The following PRRC2C variants were observed in gnomAD, a reference collection of about 807,000 sequenced individuals.
PRRC2C encodes protein PRRC2C.
Under a neutral mutation model 317.2 loss-of-function variants are expected in PRRC2C, and 72 were observed. The ratio of observed to expected loss-of-function variants is 0.23; its 90% CI spans 0.19 to 0.28. The LOEUF is 0.28. Among genes scored for constraint, PRRC2C ranks in the 10% least tolerant of loss-of-function variants. PRRC2C has a pLI of 1.00. For synonymous variants in PRRC2C, 1,296 were observed against 1,205.9 expected, an observed-to-expected ratio of 1.07 and a Z score of -1.55; for missense variants, 3,074 against 3,459.7, an observed-to-expected ratio of 0.89 and a Z score of 2.80.
At chr1:171,578,718 A>G (rs1485008974) in intron 26 of PRRC2C, among the ~76,000 whole-genome samples, 1 of 152,074 alleles carries the variant, frequency 6.6e-6, no homozygotes, top group Admixed American at 6.6e-5. Context: ...AAATACAAAA[A>G]TTGGTTGGGC....
chr1:171,562,268 C>G (rs75825662), intron 20 of PRRC2C, among the ~76,000 whole-genome samples: 19,371 of 152,030 alleles, frequency 0.13, 1,613 homozygotes, highest in South Asian at 0.36. Context: ...TCAGGGAAGT[C>G]CATGTAGCTG....
intron 1 of PRRC2C, chr1:171,509,900 G>GTA (rs929076982): frequency 1.6e-5 from 2 of 123,372 alleles, no homozygotes; most frequent in Non-Finnish European, 3.1e-5. Context: ...CACCCAGGCT[G>GTA]TAGTACAGTG....
chr1:171,581,517 T>G (rs1288870562), intron 28 of PRRC2C, among the ~76,000 whole-genome samples: 1 of 152,182 alleles, frequency 6.6e-6, no homozygotes. Flanking sequence ...TCAATAGAAA[T>G]AAAATGTAAG....
intron 20 of PRRC2C, among the ~76,000 whole-genome samples, 164 bp from the exon 21 acceptor site, chr1:171,566,069 A>G (rs1186319941): frequency 1.3e-5 from 2 of 152,222 alleles, no homozygotes; most frequent in African/African-American, 4.8e-5. Flanking sequence ...GTACAGACAA[A>G]CAACAGTTAA....
At chr1:171,526,284 T>C (rs1674545660) in intron 10 of PRRC2C, among the ~76,000 whole-genome samples, 1 of 152,228 alleles carries the variant, frequency 6.6e-6, no homozygotes, top group Admixed American at 6.5e-5. Context: ...ATTAGAGGTA[T>C]AGATCTCCTC....
intron 22 of PRRC2C, 66 bp downstream of exon 22, chr1:171,566,909 C>T (rs1683763947): frequency 2.0e-6 from 3 of 1,495,760 alleles, no homozygotes; most frequent in Admixed American, 4.7e-5. Context: ...ACGAGAAGAA[C>T]AGCAACAGTC....
chr1:171,591,398 TGAAA>T, intron 34 of PRRC2C, 185 bp from the exon 35 acceptor site: 1 of 399,046 alleles, frequency 2.5e-6, no homozygotes, highest in Non-Finnish European at 3.9e-6. Flanking sequence ...TTAAATCACA[TGAAA>T]TATTTCAAAA....
chr1:171,532,892 A>T lies in PRRC2C; in HGVS notation c.1804A>T (p.Ile602Phe), dbSNP rs1377688913. 6.3e-7 allele frequency: 1 copy of T among 1,580,084 alleles called. No individual in the cohort carries two copies. Among genetic ancestry groups the T allele is most frequent in the African/African-American group, 1.4e-5 (1 of 72,478 alleles). The change falls in exon 12 of 35, where the codon ATT becomes TTT. Residue 602 changes from isoleucine to phenylalanine, a missense_variant. Physicochemically the swap from Ile to Phe is conservative, Grantham distance 21 (BLOSUM62 0). Coordinates refer to ENST00000647382, the MANE Select transcript of PRRC2C (RefSeq NM_001387844.1). ...EKEREKLEEK[I>F]EPREPNLEPM... is the part of the protein sequence containing the mutation. ...GGAAAGGGAAAAATTAGAGGAGAAA[A>T]TTGAACCCAGAGAACCTAATTTAGA... is the stretch of plus-strand genomic sequence containing the variant.
At chr1:171,531,238 G>A (rs966505001) in intron 11 of PRRC2C, among the ~76,000 whole-genome samples, 29 of 152,200 alleles carry the variant, frequency 1.9e-4, no homozygotes, top group Admixed American at 1.5e-3. Flanking sequence ...TTGTGTCTGC[G>A]TTGGAGCAGT....
chr1:171,585,863 G>GT (rs934600137), intron 30 of PRRC2C, among the ~76,000 whole-genome samples: 15 of 151,058 alleles, frequency 9.9e-5, no homozygotes, highest in South Asian at 4.2e-4. Context: ...TTTCAGATTG[G>GT]TTTTTTTTTG....
chr1:171,530,992 C>T (rs1230605908), intron 11 of PRRC2C, among the ~76,000 whole-genome samples: 3 of 152,166 alleles, frequency 2.0e-5, no homozygotes, highest in East Asian at 1.9e-4. Context: ...AAGCAACCCA[C>T]GTGTCTATCA....
rs766448616 is a variant in PRRC2C, at chr1:171,559,504, AGTTT to A, written c.6031+1366_6031+1369del. Among the ~76,000 whole-genome samples, 82 of 21,590 alleles carry A rather than the reference AGTTT, an allele frequency of 3.8e-3. 21 individuals are homozygous for A. Among genetic ancestry groups the A allele is most frequent in the African/African-American group, 9.9e-3 (64 of 6,458 alleles). The allele number at this position is 21,590 out of a possible 152,430, so 14.2% of individuals were successfully genotyped here. On this transcript the variant is annotated intron_variant, in intron 19 of 34. Transcript: ENST00000647382. The stretch of plus-strand genomic sequence containing the variant: ...CATCTGTTTACAAAATGGCATACCA[AGTTT>A]GTTTTTTTTTTTTTTTTTTTTTTTT...
Position 171,558,057 on chromosome 1 carries a change from C to T in PRRC2C, c.5945C>T (p.Thr1982Ile), listed in dbSNP as rs1283682120. The change falls in exon 19 of 35, where the codon ACC becomes ATC. Residue 1982 changes from threonine (T) to isoleucine (I), a missense_variant. Around this residue, in one of 11 missense-constraint regions of PRRC2C, gnomAD observed 640 missense variants for 676.1 expected, o/e 0.95. Coordinates refer to ENST00000647382, the MANE Select transcript of PRRC2C (RefSeq NM_001387844.1). ...GTAGCCTCAGGAAAATCCATCCAGA[C>T]CCCACAGTCACATGGCACTCTGACA... ...DYVASGKSIQ[T>I]PQSHGTLTAE... 6.2e-7 allele frequency: 1 copy of T among 1,613,906 alleles called. No individual in the cohort carries two copies. The highest frequency in any genetic ancestry group is 8.5e-7 in the Non-Finnish European group (1 of 1,179,908).
chr1:171,522,353 T>A lies in PRRC2C; in HGVS notation c.833+94T>A. 3 of 815,334 alleles carry A rather than the reference T, an allele frequency of 3.7e-6. No individual in the cohort carries two copies. The South Asian group carries it at 5.6e-5, about 15-fold the overall frequency. The allele number at this position is 815,334 out of a possible 1,614,324, so 50.5% of individuals were successfully genotyped here. ...GATTGTGTGATTCTGAGTTGTGTAA[T>A]TGATCGTTTTCCTATCCTCACAGTA... On this transcript the variant is annotated intron_variant, in intron 7 of 34. Transcript: ENST00000647382.
At chr1:171,522,852 C>T (rs1025964349) in intron 7 of PRRC2C, among the ~76,000 whole-genome samples, 1 of 150,546 alleles carries the variant, frequency 6.6e-6, no homozygotes, top group African/African-American at 2.4e-5. Context: ...ATATTATGGA[C>T]TCCCCATTTT....
chr1:171,530,243 C>CTTTTT (rs778215422), intron 11 of PRRC2C, among the ~76,000 whole-genome samples: 24 of 63,328 alleles, frequency 3.8e-4, no homozygotes, highest in East Asian at 9.9e-4. Flanking sequence ...TGTAGCTGGG[C>CTTTTT]TTTTTTTTTT....
At chr1:171,545,120 C>T (rs901721470) in intron 16 of PRRC2C, among the ~76,000 whole-genome samples, 4 of 152,136 alleles carry the variant, frequency 2.6e-5, no homozygotes, top group Non-Finnish European at 4.4e-5. Context: ...TTTTGGAGAG[C>T]ATCCATTTGT....
chr1:171,526,802 T>A lies in PRRC2C; in HGVS notation c.1201-989T>A, dbSNP rs933042070. Among the ~76,000 whole-genome samples, 31 of 139,808 alleles carry A rather than the reference T, an allele frequency of 2.2e-4. 1 individual carries two copies. Among genetic ancestry groups the A allele is most frequent in the African/African-American group, 8.1e-4 (30 of 36,942 alleles). 91.7% of individuals were successfully genotyped at this position (139,808 alleles called of 152,430 possible). On this transcript the variant is annotated intron_variant, in intron 10 of 34. Transcript: ENST00000647382. Reference sequence around the variant, plus strand: ...GAGAAAATCATTACATTCAGAAATATATCTTTTTTTTTTTTTTTTTTTTTG... The same window carrying A: ...GAGAAAATCATTACATTCAGAAATAAATCTTTTTTTTTTTTTTTTTTTTTG...
At chr1:171,528,123 G>C (rs988057844) in intron 11 of PRRC2C, among the ~76,000 whole-genome samples, 5 of 151,768 alleles carry the variant, frequency 3.3e-5, no homozygotes, top group Non-Finnish European at 5.9e-5. Context: ...TGGTGCTAAG[G>C]ACACTTTTTT....
Sources: gnomAD v4.1 joint callset for allele counts (sites outside exome capture counted in the v4.1 genomes callset) on GRCh38, gnomAD v4.1.1 for gene constraint, gnomAD v4.1.1 regional missense constraint, MANE v1.5 for transcripts, NCBI Gene and HGNC (gene_info 2026-07-23, HGNC 2026-07-21) for gene names.